PLXNA2: variants seen among roughly 807,000 people sequenced by gnomAD.
PLXNA2 encodes plexin-A2.
PLXNA2 carries 91 observed loss-of-function variants against 193.5 expected under a neutral mutation model. That is an observed-to-expected ratio of 0.47 (90% CI 0.40 to 0.56). PLXNA2 has a LOEUF of 0.56. Ranked by LOEUF, PLXNA2 falls within the 20% of genes least tolerant of loss-of-function variation. PLXNA2 has a pLI of 0.00. For synonymous variants in PLXNA2, 997 were observed against 1,027.3 expected, an observed-to-expected ratio of 0.97 and a Z score of 0.56; for missense variants, 1,995 against 2,503.2, an observed-to-expected ratio of 0.80 and a Z score of 4.33.
rs769539300 is a variant in PLXNA2 at position 208,031,702 on chromosome 1, G to C, written c.5113C>G (p.Arg1705Gly). The C allele has an allele frequency of 6.2e-7, 1 of 1,613,328 alleles. No homozygotes were observed. Among genetic ancestry groups the C allele is most frequent in the South Asian group, 1.1e-5 (1 of 91,014 alleles). Residue 1705 changes from arginine (R) to glycine (G), a missense_variant, in exon 29 of 32, where the codon CGG becomes GGG. Physicochemically the swap from Arg to Gly is moderately radical, Grantham distance 125. Transcript: ENST00000367033. ...ATGGCCAGGGGGAGAGCGCTGCCCCGGTGCACAGTGCTGAACAAGGTCTCA... is the reference window on the plus strand; with the variant it reads ...ATGGCCAGGGGGAGAGCGCTGCCCCCGTGCACAGTGCTGAACAAGGTCTCA... ...LFETLFSTVHRGSALPLAIKY... is the reference protein window; with the variant it reads ...LFETLFSTVHGGSALPLAIKY...
chr1:208,129,453 C>A (rs1425247858), intron 4 of PLXNA2, among the ~76,000 whole-genome samples: 1 of 152,192 alleles, frequency 6.6e-6, no homozygotes, highest in Non-Finnish European at 1.5e-5. Context: ...TTGAGCCCCC[C>A]TGAAGGCTGC....
chr1:208,241,504 G>A (rs2102655022), intron 1 of PLXNA2, among the ~76,000 whole-genome samples: 1 of 152,254 alleles, frequency 6.6e-6, no homozygotes, highest in East Asian at 1.9e-4. Context: ...AGGCTTTGAG[G>A]GACCCCTGTC....
chr1:208,217,635 C>T lies in PLXNA2; in HGVS notation c.288G>A (p.Pro96=), dbSNP rs148386352. The T allele has an allele frequency of 1.9e-5, 31 of 1,614,012 alleles. No individual in the cohort carries two copies. The highest frequency in any genetic ancestry group is 6.6e-5 in the South Asian group (6 of 91,072). ...CGCTGCAGGGCTGCACGATGAGGGG[C>T]GGGTAACAAGACTTGTTGTCCTCTT... ...GPEEDNKSCY[P]PLIVQPCSEV... is the part of the protein sequence containing the mutation. Residue 96 remains proline, a synonymous_variant, in exon 2 of 32, where the codon CCG becomes CCA. Transcript: ENST00000367033. The surrounding 1 kb of genome is among the most constrained non-coding windows in gnomAD (Gnocchi z 4.7).
intron 9 of PLXNA2, among the ~76,000 whole-genome samples, chr1:208,087,003 G>C (rs1259769475): frequency 1.4e-5 from 2 of 145,636 alleles, no homozygotes; most frequent in African/African-American, 5.0e-5. Flanking sequence ...GAGAGAGAGA[G>C]AGAGAGAGAG....
chr1:208,065,778 T>C (rs1321906508), intron 12 of PLXNA2, among the ~76,000 whole-genome samples: 2 of 151,714 alleles, frequency 1.3e-5, no homozygotes. Context: ...CTTTGGTGAG[T>C]TCTGGGCCCT....
chr1:208,121,956 G>GTCA (rs1287022823), intron 4 of PLXNA2, among the ~76,000 whole-genome samples: 1 of 152,048 alleles, frequency 6.6e-6, no homozygotes, highest in Admixed American at 6.6e-5. Context: ...GTCCCACACA[G>GTCA]TCATGGACAG....
At position 208,026,970 on chromosome 1, in the gene PLXNA2, G is replaced by A. The variant is rs890703587; in HGVS notation, c.*273C>T. On this transcript the variant is annotated 3_prime_UTR_variant, in exon 32 of 32. Coordinates refer to ENST00000367033, the MANE Select transcript of PLXNA2 (RefSeq NM_025179.4). ...ACAGAGGCAGAACTGTCCCCAGCTCGTGCCTCTCGGCTTGAAGAACCACCT... is the reference window on the plus strand; with the variant it reads ...ACAGAGGCAGAACTGTCCCCAGCTCATGCCTCTCGGCTTGAAGAACCACCT... 27 of 358,284 alleles carry A rather than the reference G, an allele frequency of 7.5e-5. No homozygotes were observed. Among genetic ancestry groups the A allele is most frequent in the East Asian group, 5.2e-5 (1 of 19,330 alleles). The allele number at this position is 358,284 out of a possible 1,614,324, so 22.2% of individuals were successfully genotyped here.
chr1:208,037,246 C>T (rs1421387155), intron 26 of PLXNA2, among the ~76,000 whole-genome samples: 2 of 152,240 alleles, frequency 1.3e-5, no homozygotes, highest in African/African-American at 4.8e-5. Flanking sequence ...AGCCTCTTCT[C>T]TTCCCATTAC....
Position 208,156,799 on chromosome 1 carries a change from G to A in PLXNA2, c.1372-14336C>T, listed in dbSNP as rs548700573. Among the ~76,000 whole-genome samples, 7 of 152,286 alleles carry A rather than the reference G, an allele frequency of 4.6e-5. No homozygotes were observed. In the East Asian group the frequency reaches 1.4e-3, roughly 29 times the overall value. The stretch of plus-strand genomic sequence containing the variant: ...TTTTAGCAGAGTGCCAAGCATGACA[G>A]GGTGCTTAAAAATTGCATTCTATAC... On this transcript the variant is annotated intron_variant, in intron 3 of 31. Coordinates refer to ENST00000367033, the MANE Select transcript of PLXNA2 (RefSeq NM_025179.4).
chr1:208,043,656 C>T (rs1397998054), intron 20 of PLXNA2, among the ~76,000 whole-genome samples: 5 of 152,138 alleles, frequency 3.3e-5, no homozygotes, highest in Admixed American at 6.5e-5. Flanking sequence ...AGCTGAGAGC[C>T]GAGTTTGGGA....
chr1:208,185,945 C>T (rs949113827), intron 3 of PLXNA2, among the ~76,000 whole-genome samples: 1 of 152,074 alleles, frequency 6.6e-6, no homozygotes, highest in Admixed American at 6.5e-5. Flanking sequence ...CAAGACTTAG[C>T]AACCACTGGG....
At chr1:208,100,449 G>A (rs959498968) in intron 5 of PLXNA2, among the ~76,000 whole-genome samples, 9 of 152,210 alleles carry the variant, frequency 5.9e-5, no homozygotes, top group Non-Finnish European at 7.4e-5. Flanking sequence ...ATGGCCTGGC[G>A]CATAGTAGGT....
chr1:208,046,595 G>A (rs1665077676), intron 17 of PLXNA2, among the ~76,000 whole-genome samples: 1 of 149,638 alleles, frequency 6.7e-6, no homozygotes, highest in South Asian at 2.1e-4. Flanking sequence ...TGTGTGCATG[G>A]CCTGAAGCAG....
At chr1:208,030,358 G>A (rs771059265) in intron 29 of PLXNA2, 26 of 985,534 alleles carry the variant, frequency 2.6e-5, no homozygotes, top group Non-Finnish European at 2.9e-5. Flanking sequence ...ACAGAGATGC[G>A]GATAACCCTG....
chr1:208,029,750 C>T lies in PLXNA2; in HGVS notation c.5226-708G>A, dbSNP rs74862943. 2,988 of 985,592 alleles carry T rather than the reference C, an allele frequency of 3.0e-3. 64 individuals carry two copies. In the African/African-American group the frequency reaches 0.043, roughly 14 times the overall value. 61.1% of individuals were successfully genotyped at this position (985,592 alleles called of 1,614,324 possible). ...AGTTAGGAGACTTCCTTCTGCAACT[C>T]GGGAATTTATAACCAGAGGAGAATG... On this transcript the variant is annotated intron_variant, in intron 29 of 31. Coordinates refer to ENST00000367033, the MANE Select transcript of PLXNA2 (RefSeq NM_025179.4).
chr1:208,065,009 A>G (rs897060429), intron 12 of PLXNA2, among the ~76,000 whole-genome samples: 5 of 152,142 alleles, frequency 3.3e-5, no homozygotes, highest in Admixed American at 1.3e-4. Flanking sequence ...GCCTTTCTAC[A>G]TGGATCTATA....
chr1:208,034,437 G>T (rs1276890158), intron 27 of PLXNA2, 56 bp downstream of exon 27: 1 of 1,137,872 alleles, frequency 8.8e-7, no homozygotes, highest in Non-Finnish European at 1.3e-6. Context: ...AGTGGGCCCT[G>T]CTAGGTCTCA....
Position 208,044,390 on chromosome 1 carries a change from A to G in PLXNA2, c.3874+118T>C. On this transcript the variant is annotated intron_variant, in intron 20 of 31. Coordinates refer to ENST00000367033, the MANE Select transcript of PLXNA2 (RefSeq NM_025179.4). The surrounding 1 kb of genome is among the most constrained non-coding windows in gnomAD (Gnocchi z 4.9). ...TCTGGGAAAACAGGGGTGAAAGTGG[A>G]ATGCAGAGGCATGGCTGGCAGCGAT... 1.4e-6 allele frequency: 1 copy of G among 717,450 alleles called. No individual in the cohort carries two copies. Among genetic ancestry groups the G allele is most frequent in the Non-Finnish European group, 2.4e-6 (1 of 418,120 alleles). 44.4% of individuals were successfully genotyped at this position (717,450 alleles called of 1,614,324 possible). A position where few individuals can be genotyped will look rare whatever the true frequency, so the allele number is the denominator to read the frequency against.
intron 1 of PLXNA2, among the ~76,000 whole-genome samples, chr1:208,227,650 T>C (rs1022752410): frequency 3.9e-5 from 6 of 152,164 alleles, no homozygotes; most frequent in African/African-American, 1.4e-4. Flanking sequence ...CAGGCAGTGC[T>C]GGGGTAGGGC....
Sources: allele counts gnomAD v4.1 joint callset (sites outside exome capture counted in the v4.1 genomes callset), GRCh38; gene constraint gnomAD v4.1.1; non-coding constraint Gnocchi (gnomAD v3.1); transcripts MANE v1.5; gene names NCBI Gene and HGNC (gene_info 2026-07-23, HGNC 2026-07-21).